RIMS3: variants seen among roughly 807,000 people sequenced by gnomAD.
RIMS3 encodes the protein regulating synaptic membrane exocytosis 3.
Under a neutral mutation model 29.2 loss-of-function variants are expected in RIMS3, and 15 were observed. The observed-to-expected ratio is 0.51, with a 90% confidence interval of 0.34 to 0.79. The LOEUF (loss-of-function observed/expected upper bound fraction) is 0.79. Among genes scored for constraint, RIMS3 ranks in the 30% least tolerant of loss-of-function variants. RIMS3 has a pLI of 0.01. For missense variants in RIMS3, 342 were observed against 421.4 expected (o/e 0.81, Z 1.65); for synonymous variants, 161 against 170.1 (o/e 0.95, Z 0.41).
rs34448324 is a variant in RIMS3, at chr1:40,657,746, CAAAAA to C, written c.-207+7643_-207+7647del. Among the ~76,000 whole-genome samples, 42 of 88,108 alleles carry C rather than the reference CAAAAA, an allele frequency of 4.8e-4. 1 individual carries two copies. Among genetic ancestry groups the C allele is most frequent in the African/African-American group, 1.7e-3 (39 of 22,674 alleles). The allele number at this position is 88,108 out of a possible 152,430, so 57.8% of individuals were successfully genotyped here. On this transcript the variant is annotated intron_variant, in intron 1 of 7. Transcript: ENST00000372684. ...TGGGTGACAGAATGTGACAATGTCT[CAAAAA>C]AAAAAAAAAAAAAAAAAAATTAGCC... is the stretch of plus-strand genomic sequence containing the variant.
Position 40,635,735 on chromosome 1 carries a change from G to A in RIMS3, c.359+181C>T, listed in dbSNP as rs1646514868. Among the ~76,000 whole-genome samples, 1 of 152,174 alleles carries A rather than the reference G, an allele frequency of 6.6e-6. No homozygotes were observed. The highest frequency in any genetic ancestry group is 1.5e-5 in the Non-Finnish European group (1 of 68,032). ...ATCTGGATATTCCAATGGGAGCAAT[G>A]GAAGACCTGAGGTCCAGGCACAGAG... On this transcript the variant is annotated intron_variant, in intron 4 of 7. Transcript: ENST00000372684. This position sits in a 1 kb window ranked among gnomAD's most constrained non-coding sequence, Gnocchi z 4.1.
chr1:40,691,671 CCA>C, the RIMS3 span: 538 of 448,310 alleles, frequency 1.2e-3, no homozygotes, highest in Non-Finnish European at 1.9e-3. Flanking sequence ...AGTCCAGGCG[CCA>C]AGGGAGGGGG....
chr1:40,637,965 T>C (rs1646531555), intron 3 of RIMS3, among the ~76,000 whole-genome samples: 1 of 151,822 alleles, frequency 6.6e-6, no homozygotes, highest in Non-Finnish European at 1.5e-5. Context: ...ACAGCCTGAG[T>C]TGGGGTCACC....
chr1:40,683,406 C>T, the RIMS3 span, among the ~76,000 whole-genome samples: 3 of 152,274 alleles, frequency 2.0e-5, no homozygotes, highest in Non-Finnish European at 4.4e-5. Context: ...GGAGTGGACT[C>T]CAGATAAAAG....
chr1:40,681,432 C>G, the RIMS3 span: 1 of 152,222 alleles, frequency 6.6e-6, no homozygotes, highest in Non-Finnish European at 1.5e-5. Flanking sequence ...CCCTGGCTCC[C>G]AAACCTCTGT....
At chr1:40,666,565 T>G (rs1021697283), upstream of RIMS3, among the ~76,000 whole-genome samples, 1 of 152,216 alleles carries the variant, frequency 6.6e-6, no homozygotes, top group African/African-American at 2.4e-5. Context: ...AAGTCTTTCC[T>G]AGGGTCGTGC....
At chr1:40,677,574 C>T in the RIMS3 span, among the ~76,000 whole-genome samples, 6 of 151,668 alleles carry the variant, frequency 4.0e-5, no homozygotes, top group South Asian at 2.1e-4. Context: ...GGCGGGCGCC[C>T]GTAGTCCCAG....
rs1268709961 is a variant in RIMS3 at position 40,654,869 on chromosome 1, A to T, written c.-206-7027T>A. On this transcript the variant is annotated intron_variant, in intron 1 of 7. Coordinates refer to ENST00000372684, the MANE Select transcript of RIMS3 (RefSeq NM_014747.3). The surrounding 1 kb of genome is among the most constrained non-coding windows in gnomAD (Gnocchi z 5.3). ...TCTCTCATACATACACACACACATT[A>T]TGCCTTCACAGAGATCCTCAAACAT... 6.6e-6 allele frequency among the ~76,000 whole-genome samples: 1 copy of T among 151,994 alleles called. No individual in the cohort carries two copies. The highest frequency in any genetic ancestry group is 1.5e-5 in the Non-Finnish European group (1 of 67,988).
chr1:40,641,972 A>G lies in RIMS3; in HGVS notation c.-31-16T>C, dbSNP rs764114591. ...TCAGGCAGCTCTGAAGATGGGCAGGAAACAAAAGGATCCCACATCAGACCT... is the reference window on the plus strand; with the variant it reads ...TCAGGCAGCTCTGAAGATGGGCAGGGAACAAAAGGATCCCACATCAGACCT... On this transcript the variant is annotated splice_polypyrimidine_tract_variant and intron_variant, in intron 2 of 7. Transcript: ENST00000372684. The G allele has an allele frequency of 9.3e-6, 14 of 1,500,206 alleles. No individual in the cohort carries two copies. The African/African-American group carries it at 1.9e-4, about 21-fold the overall frequency. 92.9% of individuals were successfully genotyped at this position (1,500,206 alleles called of 1,614,324 possible). A position where few individuals can be genotyped will look rare whatever the true frequency, so the allele number is the denominator to read the frequency against.
At chr1:40,666,672 A>G (rs1015082940), upstream of RIMS3, among the ~76,000 whole-genome samples, 35 of 152,184 alleles carry the variant, frequency 2.3e-4, no homozygotes, top group African/African-American at 6.5e-4. Context: ...AGAGGACAGA[A>G]TAATTAATAT....
rs1355480821 is a variant in RIMS3 at position 40,636,566 on chromosome 1, C to T, written c.218-509G>A. Among the ~76,000 whole-genome samples, 1 of 152,178 alleles carries T rather than the reference C, an allele frequency of 6.6e-6. No individual in the cohort carries two copies. Among genetic ancestry groups the T allele is most frequent in the African/African-American group, 2.4e-5 (1 of 41,432 alleles). On this transcript the variant is annotated intron_variant, in intron 3 of 7. Coordinates refer to ENST00000372684, the MANE Select transcript of RIMS3 (RefSeq NM_014747.3). The surrounding 1 kb of genome is among the most constrained non-coding windows in gnomAD (Gnocchi z 4.2). ...ACCTCTGGAGGCTCTATAGGAAAGC[C>T]CCCATGGGAAGCCTGGCCACTCTCA...
In RIMS3 at chr1:40,636,087, A is replaced by C; in HGVS notation, c.218-30T>G. The stretch of plus-strand genomic sequence containing the variant: ...GACCCCCCCAACCCCAAGCACAGAG[A>C]GGGAACAAGGTCAGATTATGAATGG... On this transcript the variant is annotated intron_variant, in intron 3 of 7. Coordinates refer to ENST00000372684, the MANE Select transcript of RIMS3 (RefSeq NM_014747.3). The surrounding 1 kb of genome is among the most constrained non-coding windows in gnomAD (Gnocchi z 4.2). The C allele has an allele frequency of 1.2e-6, 2 of 1,600,746 alleles. No homozygotes were observed. The highest frequency in any genetic ancestry group is 1.7e-6 in the Non-Finnish European group (2 of 1,179,644).
At chr1:40,687,330 G>A in the RIMS3 span, among the ~76,000 whole-genome samples, 1 of 152,080 alleles carries the variant, frequency 6.6e-6, no homozygotes, top group African/African-American at 2.4e-5. Context: ...GGCCAGGGGC[G>A]GTGGCTCACG....
the RIMS3 span, among the ~76,000 whole-genome samples, chr1:40,672,620 T>A: frequency 1.3e-5 from 2 of 152,178 alleles, no homozygotes; most frequent in Non-Finnish European, 2.9e-5. Context: ...CAGAAGCTCC[T>A]TGGAGGCTAT....
intron 3 of RIMS3, among the ~76,000 whole-genome samples, chr1:40,639,685 CAG>C (rs988364190): frequency 5.3e-5 from 8 of 152,146 alleles, no homozygotes; most frequent in African/African-American, 1.9e-4. Context: ...TAGTAAATGA[CAG>C]GGGATGGATC....
chr1:40,664,204 A>G (rs1159003074), intron 1 of RIMS3, among the ~76,000 whole-genome samples: 2 of 152,138 alleles, frequency 1.3e-5, no homozygotes, highest in African/African-American at 4.8e-5. Flanking sequence ...GTTTAAGCAC[A>G]GGGCACATGG....
chr1:40,626,596 G>A lies in RIMS3; in HGVS notation c.848C>T (p.Ala283Val), dbSNP rs924787481. 2 of 1,614,018 alleles carry A rather than the reference G, an allele frequency of 1.2e-6. No homozygotes were observed. Among genetic ancestry groups the A allele is most frequent in the African/African-American group, 2.7e-5 (2 of 74,940 alleles). Residue 283 changes from alanine to valine, a missense_variant, in exon 8 of 8, where the codon GCA becomes GTA. Transcript: ENST00000372684. ...WYKLFPTSSV[A>V]DSTLGSLTRR... ...GGTGAGGGATCCGAGTGTGGAGTCT[G>A]CCACTGAGGAGGTGGGGAAGAGTTT...
At chr1:40,672,314 T>C in the RIMS3 span, among the ~76,000 whole-genome samples, 1 of 148,914 alleles carries the variant, frequency 6.7e-6, no homozygotes. Context: ...TTCTCCTGCC[T>C]CAGCCTCCTG....
chr1:40,626,811 C>A, intron 7 of RIMS3, 82 bp from the exon 8 acceptor site: 1 of 1,254,660 alleles, frequency 8.0e-7, no homozygotes, highest in South Asian at 1.2e-5. Flanking sequence ...CTACACGTTT[C>A]AGCAGGGCAC....
Sources: allele counts gnomAD v4.1 joint callset (sites outside exome capture counted in the v4.1 genomes callset), GRCh38; gene constraint gnomAD v4.1.1; non-coding constraint Gnocchi (gnomAD v3.1); transcripts MANE v1.5; gene names NCBI Gene and HGNC (gene_info 2026-07-23, HGNC 2026-07-21).